NCKAP1: variants seen among roughly 807,000 people sequenced by gnomAD.
The protein encoded by NCKAP1 is NCK associated protein 1.
NCKAP1 carries 21 observed loss-of-function variants against 151.2 expected under a neutral mutation model. The observed-to-expected ratio is 0.14, with a 90% CI of 0.10 to 0.20. The LOEUF is 0.20. NCKAP1 is among the 10% of genes least tolerant of loss of function. The probability of loss-of-function intolerance (pLI) is 1.00; values close to 1 mark genes in which losing one functional copy is unlikely to be tolerated. For synonymous variants in NCKAP1, 484 were observed against 451.8 expected, an observed-to-expected ratio of 1.07 and a Z score of -0.90; for missense variants, 933 against 1,352.1, an observed-to-expected ratio of 0.69 and a Z score of 4.86.
intron 2 of NCKAP1, among the ~76,000 whole-genome samples, chr2:183,019,369 AT>A (rs1222556455): frequency 6.6e-6 from 1 of 152,192 alleles, no homozygotes; most frequent in Non-Finnish European, 1.5e-5. Flanking sequence ...TTTAAAAAAT[AT>A]TGGAAAAAAA....
Position 182,942,165 on chromosome 2 carries a change from T to TAA in NCKAP1, c.2602-4_2602-3dup. On this transcript the variant is annotated splice_polypyrimidine_tract_variant and splice_region_variant and intron_variant, in intron 23 of 30. Transcript: ENST00000361354. ...ATCAACATTCTCCACCACAAGTTTC[T>TAA]AAAAAAAAAAGAAAGATCCTAGGTC... 8.9e-6 allele frequency: 13 copies of TAA among 1,459,336 alleles called. No individual in the cohort carries two copies. Among genetic ancestry groups the TAA allele is most frequent in the South Asian group, 5.1e-5 (4 of 77,830 alleles). The allele number at this position is 1,459,336 out of a possible 1,614,324, so 90.4% of individuals were successfully genotyped here.
chr2:182,926,668 T>C (rs1326524917), intron 30 of NCKAP1, 148 bp downstream of exon 30: 2 of 535,880 alleles, frequency 3.7e-6, no homozygotes, highest in African/African-American at 2.0e-5. Context: ...GTGATGTCAG[T>C]CTTCTCTGCA....
chr2:182,990,018 A>C lies in NCKAP1; in HGVS notation c.791-832T>G, dbSNP rs901982346. On this transcript the variant is annotated intron_variant, in intron 8 of 30. Coordinates refer to ENST00000361354, the MANE Select transcript of NCKAP1 (RefSeq NM_013436.5). ...AAATATATATATATAATTTATATATATATAATATGCATACATACATAAAGA... is the reference window on the plus strand; with the variant it reads ...AAATATATATATATAATTTATATATCTATAATATGCATACATACATAAAGA... 3.3e-5 allele frequency among the ~76,000 whole-genome samples: 5 copies of C among 150,238 alleles called. No homozygotes were observed. In the Admixed American group the frequency reaches 3.3e-4, roughly 10 times the overall value.
chr2:182,913,079 T>A lies in NCKAP1; in HGVS notation c.*12623A>T, dbSNP rs926193967. ...TTTGTTTTACTGTCTGCCTCCTTCATCAGATGATGAGTAGTGACCCTAGTT... is the reference window on the plus strand; with the variant it reads ...TTTGTTTTACTGTCTGCCTCCTTCAACAGATGATGAGTAGTGACCCTAGTT... On this transcript the variant is annotated 3_prime_UTR_variant, in exon 31 of 31. Transcript: ENST00000361354. 6.6e-6 allele frequency: 1 copy of A among 152,234 alleles called. No individual in the cohort carries two copies. Among genetic ancestry groups the A allele is most frequent in the Non-Finnish European group, 1.5e-5 (1 of 68,040 alleles). 9.4% of individuals were successfully genotyped at this position (152,234 alleles called of 1,614,324 possible). A position where few individuals can be genotyped will look rare whatever the true frequency, so the allele number is the denominator to read the frequency against.
intron 9 of NCKAP1, 87 bp downstream of exon 9, chr2:182,988,943 A>C (rs1698111224): frequency 8.4e-7 from 1 of 1,195,780 alleles, no homozygotes; most frequent in African/African-American, 1.5e-5. Flanking sequence ...GCACAGTGTG[A>C]CTACTCCTTT....
At chr2:183,026,998 C>A (rs1334716427) in intron 1 of NCKAP1, among the ~76,000 whole-genome samples, 1 of 152,078 alleles carries the variant, frequency 6.6e-6, no homozygotes, top group East Asian at 1.9e-4. Flanking sequence ...TAAATACAAT[C>A]CCCTCTCTCA....
Position 182,922,718 on chromosome 2 carries a change from G to A in NCKAP1, c.*2984C>T, listed in dbSNP as rs543077447. The A allele has an allele frequency of 6.6e-6, 1 of 152,524 alleles. No individual in the cohort carries two copies. The highest frequency in any genetic ancestry group is 1.9e-4 in the East Asian group (1 of 5,194). The allele number at this position is 152,524 out of a possible 1,614,324, so 9.4% of individuals were successfully genotyped here. A position where few individuals can be genotyped will look rare whatever the true frequency, so the allele number is the denominator to read the frequency against. Reference sequence around the variant, plus strand: ...CCTGTATACTTTCCAGTCACCATCAGAAGTTTGCTCATGGCTGGGCGTGGT... The same window carrying A: ...CCTGTATACTTTCCAGTCACCATCAAAAGTTTGCTCATGGCTGGGCGTGGT... On this transcript the variant is annotated 3_prime_UTR_variant, in exon 31 of 31. Coordinates refer to ENST00000361354, the MANE Select transcript of NCKAP1 (RefSeq NM_013436.5).
chr2:182,955,209 C>G (rs1181000651), intron 20 of NCKAP1, among the ~76,000 whole-genome samples: 3 of 152,180 alleles, frequency 2.0e-5, no homozygotes, highest in Non-Finnish European at 4.4e-5. Flanking sequence ...TTAGTCATCT[C>G]ACCAGCTACA....
chr2:182,978,449 AAC>A (rs1346081894), intron 14 of NCKAP1, among the ~76,000 whole-genome samples: 1 of 152,208 alleles, frequency 6.6e-6, no homozygotes, highest in Non-Finnish European at 1.5e-5. Flanking sequence ...CAAAAGTAAT[AAC>A]AGTGTTGAAA....
chr2:183,011,241 T>C (rs1451734813), intron 2 of NCKAP1, among the ~76,000 whole-genome samples: 1 of 152,216 alleles, frequency 6.6e-6, no homozygotes, highest in Non-Finnish European at 1.5e-5. Context: ...CTGAATAAAC[T>C]TCATTTATTC....
At position 182,913,002 on chromosome 2, in the gene NCKAP1, T is replaced by A. The variant is rs1276799213; in HGVS notation, c.*12700A>T. ...TGGCCATGGTTACTATCATTGAAAC[T>A]TTCACTTGAGCCTCTGTTCAGTTTT... On this transcript the variant is annotated 3_prime_UTR_variant, in exon 31 of 31. Transcript: ENST00000361354. The A allele has an allele frequency of 3.9e-5, 6 of 152,258 alleles. No homozygotes were observed. The highest frequency in any genetic ancestry group is 6.5e-5 in the Admixed American group (1 of 15,286). The allele number at this position is 152,258 out of a possible 1,614,324, so 9.4% of individuals were successfully genotyped here. A position where few individuals can be genotyped will look rare whatever the true frequency, so the allele number is the denominator to read the frequency against.
intron 2 of NCKAP1, among the ~76,000 whole-genome samples, chr2:183,010,837 C>T (rs1698578328): frequency 6.6e-6 from 1 of 152,122 alleles, no homozygotes; most frequent in African/African-American, 2.4e-5. Flanking sequence ...CACTATTTTC[C>T]ATTACAAATA....
chr2:183,029,400 T>C (rs1698962047), intron 1 of NCKAP1, among the ~76,000 whole-genome samples: 1 of 151,790 alleles, frequency 6.6e-6, no homozygotes, highest in Non-Finnish European at 1.5e-5. Flanking sequence ...TAGGATTACA[T>C]ACCACAGCTT....
At chr2:182,986,860 T>G (rs1405698050) in intron 9 of NCKAP1, among the ~76,000 whole-genome samples, 1 of 151,028 alleles carries the variant, frequency 6.6e-6, no homozygotes, top group African/African-American at 2.4e-5. Flanking sequence ...CAAATGCTAA[T>G]AAATAATTTC....
intron 2 of NCKAP1, among the ~76,000 whole-genome samples, chr2:183,005,862 C>T (rs1029422560): frequency 6.6e-6 from 1 of 152,176 alleles, no homozygotes; most frequent in Non-Finnish European, 1.5e-5. Flanking sequence ...AAACATGTCC[C>T]AACCCCACTA....
At chr2:183,037,197 G>C (rs1356971038) in intron 1 of NCKAP1, among the ~76,000 whole-genome samples, 1 of 152,142 alleles carries the variant, frequency 6.6e-6, no homozygotes, top group Non-Finnish European at 1.5e-5. Flanking sequence ...CAAATTATCA[G>C]ACTATGCTAT....
In NCKAP1 at chr2:182,934,805, C is replaced by T. The variant is rs1156972025; in HGVS notation, c.2806G>A (p.Val936Ile). The change falls in exon 26 of 31, where the codon GTA (valine) becomes ATA (isoleucine). Residue 936 changes from valine to isoleucine, a missense_variant. This residue lies in a region of NCKAP1 where 326 missense variants were observed against 557.1 expected (regional missense o/e 0.59). Transcript: ENST00000361354. The part of the protein sequence containing the change: ...DVLSYHIPFL[V>I]SSIEDFKDHI... The stretch of plus-strand genomic sequence containing the variant: ...TCCTTAAAATCTTCAATTGAACTTA[C>T]AAGAAAAGGAATGTGGTAGGATAAG... The T allele has an allele frequency of 3.4e-6, 5 of 1,487,930 alleles. No individual in the cohort carries two copies. The highest frequency in any genetic ancestry group is 4.7e-6 in the Non-Finnish European group (5 of 1,071,422). The allele number at this position is 1,487,930 out of a possible 1,614,324, so 92.2% of individuals were successfully genotyped here.
chr2:182,950,238 C>A (rs1432324979), intron 23 of NCKAP1, among the ~76,000 whole-genome samples: 1 of 152,046 alleles, frequency 6.6e-6, no homozygotes, highest in East Asian at 1.9e-4. Context: ...CAGAGAGACT[C>A]AAAATAGGCT....
intron 8 of NCKAP1, among the ~76,000 whole-genome samples, chr2:182,993,440 T>C (rs17265894): frequency 0.054 from 8,236 of 152,260 alleles, 297 homozygotes; most frequent in Non-Finnish European, 0.08. Context: ...TTCAAAATTA[T>C]TCCCCTGTGG....
Sources: allele counts gnomAD v4.1 joint callset (sites outside exome capture counted in the v4.1 genomes callset), GRCh38; gene constraint gnomAD v4.1.1; regional missense constraint gnomAD v4.1.1; transcripts MANE v1.5; gene names NCBI Gene and HGNC (gene_info 2026-07-23, HGNC 2026-07-21).